The following MTHFD1L variants were observed in gnomAD, a reference collection of about 807,000 sequenced individuals.
MTHFD1L encodes methylenetetrahydrofolate dehydrogenase (NADP+ dependent) 1 like, also known as monofunctional C1-tetrahydrofolate synthase, mitochondrial.
A neutral mutation model predicts 119.5 loss-of-function variants in MTHFD1L; 81 were observed. That is an observed-to-expected ratio of 0.68 (90% CI 0.57 to 0.82). The LOEUF (loss-of-function observed/expected upper bound fraction) is 0.82, where lower values mean the gene tolerates loss of function less well. Ranked by LOEUF, MTHFD1L falls within the 40% of genes least tolerant of loss-of-function variation. MTHFD1L has a pLI of 0.00. For missense variants in MTHFD1L, 1,125 were observed against 1,253.4 expected (o/e 0.90, Z 1.55); for synonymous variants, 430 against 475.2 (o/e 0.90, Z 1.24).
chr6:150,898,351 G>A (rs978272373), intron 7 of MTHFD1L, among the ~76,000 whole-genome samples: 45 of 152,248 alleles, frequency 3.0e-4, no homozygotes, highest in African/African-American at 1.2e-4. Context: ...AACGCAGGTC[G>A]CAGGACTCCA....
chr6:151,015,478 G>A (rs749238968), intron 23 of MTHFD1L, 38 bp from the exon 24 acceptor site: 11 of 1,577,160 alleles, frequency 7.0e-6, no homozygotes, highest in Non-Finnish European at 9.5e-6. Flanking sequence ...ATAGCTAAAT[G>A]GATACAGATG....
chr6:150,999,676 A>T (rs552542259), intron 20 of MTHFD1L, among the ~76,000 whole-genome samples: 20 of 152,338 alleles, frequency 1.3e-4, no homozygotes, highest in Admixed American at 1.2e-3. Flanking sequence ...TCATCGAAAC[A>T]TTTCTTTTTG....
rs575190877 is a variant in MTHFD1L, at chr6:151,100,272, G to A, written c.*32-1254G>A. Among the ~76,000 whole-genome samples, 18 of 152,124 alleles carry A rather than the reference G, an allele frequency of 1.2e-4. No homozygotes were observed. In the South Asian group the frequency reaches 3.5e-3, roughly 30 times the overall value. On this transcript the variant is annotated intron_variant, in intron 27 of 27. Transcript: ENST00000367321. Reference sequence around the variant, plus strand: ...AGGATGGTCTTGATCTCCTGACCTCGTGATCCACCCGTGAGCCACCGCGCC... The same window carrying A: ...AGGATGGTCTTGATCTCCTGACCTCATGATCCACCCGTGAGCCACCGCGCC...
chr6:150,921,269 G>T (rs189114367), intron 9 of MTHFD1L, among the ~76,000 whole-genome samples: 7 of 150,916 alleles, frequency 4.6e-5, no homozygotes, highest in Admixed American at 3.3e-4. Context: ...ACAGGCGTGT[G>T]CCACCACACC....
intron 15 of MTHFD1L, among the ~76,000 whole-genome samples, chr6:150,945,932 G>A (rs1391621277): frequency 6.6e-6 from 1 of 151,974 alleles, no homozygotes; most frequent in African/African-American, 2.4e-5. Context: ...GGAGTTCAAG[G>A]TTTATAGTGC....
chr6:151,099,215 C>G (rs911063027), intron 27 of MTHFD1L, among the ~76,000 whole-genome samples: 4 of 151,678 alleles, frequency 2.6e-5, no homozygotes, highest in Non-Finnish European at 4.4e-5. Flanking sequence ...ACTCTAAGCA[C>G]CTTTAGACAA....
At chr6:150,916,868 T>C (rs1053653932) in intron 8 of MTHFD1L, among the ~76,000 whole-genome samples, 1 of 145,744 alleles carries the variant, frequency 6.9e-6, no homozygotes, top group Non-Finnish European at 1.5e-5. Context: ...TTCAAGCGAT[T>C]CTCCTGCCTC....
At chr6:150,900,327 C>T (rs933516314) in intron 7 of MTHFD1L, among the ~76,000 whole-genome samples, 4 of 152,210 alleles carry the variant, frequency 2.6e-5, no homozygotes, top group Admixed American at 2.6e-4. Context: ...CCCTTCCTGC[C>T]CTTCGTAGCT....
intron 10 of MTHFD1L, among the ~76,000 whole-genome samples, chr6:150,923,015 A>T (rs1789261027): frequency 6.6e-6 from 1 of 152,084 alleles, no homozygotes; most frequent in Admixed American, 6.6e-5. Context: ...GTAATGTAAT[A>T]TTTGGAATAT....
intron 8 of MTHFD1L, among the ~76,000 whole-genome samples, chr6:150,918,308 C>G (rs1788332494): frequency 6.6e-6 from 1 of 152,178 alleles, no homozygotes; most frequent in Admixed American, 6.5e-5. Context: ...GGTGATCCAC[C>G]TGCCTCGGCC....
At chr6:151,015,476 A>C (rs759652968) in intron 23 of MTHFD1L, 40 bp from the exon 24 acceptor site, 3 of 1,573,552 alleles carry the variant, frequency 1.9e-6, no homozygotes, top group Non-Finnish European at 2.6e-6. Flanking sequence ...ACATAGCTAA[A>C]TGGATACAGA....
At chr6:151,036,919 G>C in intron 25 of MTHFD1L, 46 bp from the exon 26 acceptor site, 1 of 1,606,472 alleles carries the variant, frequency 6.2e-7, no homozygotes, top group Non-Finnish European at 8.5e-7. Context: ...AAGCACAGGA[G>C]ACTAACATCT....
chr6:150,972,114 T>G, intron 20 of MTHFD1L, 56 bp downstream of exon 20: 1 of 1,457,132 alleles, frequency 6.9e-7, no homozygotes, highest in Non-Finnish European at 9.6e-7. Context: ...ATCTAAAAGC[T>G]GATGACTGGA....
At chr6:150,866,610 C>T (rs2128707156) in intron 1 of MTHFD1L, 2 of 1,214,892 alleles carry the variant, frequency 1.6e-6, no homozygotes, top group Non-Finnish European at 2.0e-6. Context: ...CTGTGGCTGA[C>T]GTCCGCTTTT....
chr6:150,912,121 C>G (rs945071367), intron 8 of MTHFD1L, among the ~76,000 whole-genome samples: 3 of 152,122 alleles, frequency 2.0e-5, no homozygotes, highest in Non-Finnish European at 2.9e-5. Flanking sequence ...AGGGCCACCC[C>G]CATGATCCTG....
intron 26 of MTHFD1L, among the ~76,000 whole-genome samples, chr6:151,090,403 G>A (rs1794269118): frequency 6.6e-6 from 1 of 152,216 alleles, no homozygotes; most frequent in African/African-American, 2.4e-5. Flanking sequence ...ACCCCCTGGG[G>A]ACTTGCTCCA....
intron 20 of MTHFD1L, among the ~76,000 whole-genome samples, chr6:151,001,043 C>A (rs192406674): frequency 1.7e-4 from 26 of 152,256 alleles, no homozygotes; most frequent in African/African-American, 5.5e-4. Flanking sequence ...CAGATACGCC[C>A]CGTGCGCTCA....
chr6:150,971,797 T>G, intron 19 of MTHFD1L, 150 bp from the exon 20 acceptor site: 3 of 613,638 alleles, frequency 4.9e-6, no homozygotes, highest in Middle Eastern at 2.9e-4. Context: ...TTTGATTGAG[T>G]CAGGGTGTTT....
chr6:150,921,627 A>G (rs1216280489), intron 9 of MTHFD1L, among the ~76,000 whole-genome samples: 1 of 151,982 alleles, frequency 6.6e-6, no homozygotes, highest in African/African-American at 2.4e-5. Flanking sequence ...GACTCACTGC[A>G]GCCTCAAACT....
Sources: allele counts gnomAD v4.1 joint callset (sites outside exome capture counted in the v4.1 genomes callset), GRCh38; gene constraint gnomAD v4.1.1; transcripts MANE v1.5; gene names NCBI Gene and HGNC (gene_info 2026-07-23, HGNC 2026-07-21).